RNF166: variants seen among roughly 807,000 people sequenced by gnomAD.
RNF166 encodes the protein ring finger protein 166, also known as E3 ubiquitin-protein ligase RNF166.
Under a neutral mutation model 29.4 loss-of-function variants are expected in RNF166, and 19 were observed. The observed-to-expected ratio is 0.65, with a 90% confidence interval of 0.45 to 0.95. RNF166 has a LOEUF of 0.95. Among genes scored for constraint, RNF166 ranks in the 40% least tolerant of loss-of-function variants. RNF166 has a pLI of 0.00. For missense variants in RNF166, 347 were observed against 322.1 expected (o/e 1.08, Z -0.59); for synonymous variants, 171 against 134.5 (o/e 1.27, Z -1.88).
chr16:88,706,145 C>T (rs1323391361), intron 1 of RNF166, 26 bp downstream of exon 1: 64 of 1,157,646 alleles, frequency 5.5e-5, no homozygotes, highest in Non-Finnish European at 6.2e-5. Flanking sequence ...GCCCCCTCCC[C>T]GCGGCCCCTG....
At chr16:88,703,857 C>A in intron 1 of RNF166, 7 of 985,486 alleles carry the variant, frequency 7.1e-6, no homozygotes, top group Non-Finnish European at 8.4e-6. Flanking sequence ...CAGGGATCTG[C>A]CTGGCTGGCA....
rs983139912 is a variant in RNF166 at position 88,699,610 on chromosome 16, G to T, written c.425+10C>A. ...GACAGTTCCTCTCCCTTGCCCGGCA[G>T]CGTGCCTACCTGGGGATAGGCTGTG... is the stretch of plus-strand genomic sequence containing the variant. On this transcript the variant is annotated intron_variant, in intron 3 of 5. Transcript: ENST00000312838. 1.9e-6 allele frequency: 3 copies of T among 1,600,142 alleles called. No individual in the cohort carries two copies. The highest frequency in any genetic ancestry group is 2.6e-6 in the Non-Finnish European group (3 of 1,168,816).
At chr16:88,700,988 A>G (rs959885017) in intron 2 of RNF166, 76 of 1,337,786 alleles carry the variant, frequency 5.7e-5, no homozygotes, top group Non-Finnish European at 6.9e-5. Context: ...TACCCTGGCC[A>G]CAACCCACGT....
At chr16:88,703,332 C>T in intron 1 of RNF166, 1 of 985,206 alleles carries the variant, frequency 1.0e-6, no homozygotes, top group Non-Finnish European at 1.2e-6. Context: ...AGAGACCAGG[C>T]CGGGGCTCGG....
intron 4 of RNF166, 46 bp from the exon 5 acceptor site, chr16:88,698,655 G>A (rs554755885): frequency 3.9e-5 from 55 of 1,410,748 alleles, no homozygotes; most frequent in East Asian, 3.0e-4. Flanking sequence ...GCGGAGAGGC[G>A]GGGTAGCCGC....
At chr16:88,698,659 T>A in intron 4 of RNF166, 50 bp from the exon 5 acceptor site, 1 of 1,373,874 alleles carries the variant, frequency 7.3e-7, no homozygotes, top group African/African-American at 1.5e-5. Flanking sequence ...AGAGGCGGGG[T>A]AGCCGCAGTA....
chr16:88,697,487 C>A lies in RNF166; in HGVS notation c.*81G>T. ...CCTGTGAGCTCAGTCCGGTGAGGTG[C>A]GCTCCCGAGCAGGTGCCAGGTGCGA... On this transcript the variant is annotated 3_prime_UTR_variant, in exon 6 of 6. Coordinates refer to ENST00000312838, the MANE Select transcript of RNF166 (RefSeq NM_178841.4). 9.7e-7 allele frequency: 1 copy of A among 1,033,900 alleles called. No individual in the cohort carries two copies. The highest frequency in any genetic ancestry group is 1.4e-5 in the South Asian group (1 of 71,138). 64.0% of individuals were successfully genotyped at this position (1,033,900 alleles called of 1,614,324 possible). A position where few individuals can be genotyped will look rare whatever the true frequency, so the allele number is the denominator to read the frequency against.
In RNF166 at chr16:88,697,515, C is replaced by G. The variant is rs961267715; in HGVS notation, c.*53G>C. ...TCCCGAGCAGGTGCCAGGTGCGACA[C>G]AGGAGCGGGGACATCCCTGACCCCA... On this transcript the variant is annotated 3_prime_UTR_variant, in exon 6 of 6. Coordinates refer to ENST00000312838, the MANE Select transcript of RNF166 (RefSeq NM_178841.4). 1 of 1,366,476 alleles carries G rather than the reference C, an allele frequency of 7.3e-7. No homozygotes were observed. The highest frequency in any genetic ancestry group is 1.3e-5 in the South Asian group (1 of 79,798). 84.6% of individuals were successfully genotyped at this position (1,366,476 alleles called of 1,614,324 possible).
At chr16:88,704,651 G>A (rs1910585869) in intron 1 of RNF166, among the ~76,000 whole-genome samples, 1 of 152,120 alleles carries the variant, frequency 6.6e-6, no homozygotes, top group African/African-American at 2.4e-5. Context: ...AGTAACAGAT[G>A]AGAAGGTGCG....
At chr16:88,701,114 CG>C in intron 2 of RNF166, 147 bp downstream of exon 2, 1 of 1,258,748 alleles carries the variant, frequency 7.9e-7, no homozygotes, top group Non-Finnish European at 1.1e-6. Context: ...AGGGAGGCGC[CG>C]GGGCTGGCTT....
intron 1 of RNF166, chr16:88,703,082 A>G: frequency 3.0e-6 from 3 of 985,550 alleles, no homozygotes; most frequent in Non-Finnish European, 3.6e-6. Flanking sequence ...CCTGGAAAAC[A>G]GTGCAGGGCA....
At chr16:88,702,209 G>A (rs951486291) in intron 1 of RNF166, among the ~76,000 whole-genome samples, 3 of 151,878 alleles carry the variant, frequency 2.0e-5, no homozygotes, top group Admixed American at 6.5e-5. Flanking sequence ...CAGCCAGTGG[G>A]AGCACCAGGC....
Position 88,705,496 on chromosome 16 carries a change from A to C in RNF166, c.155+675T>G, listed in dbSNP as rs544600889. Among the ~76,000 whole-genome samples, 12 of 152,216 alleles carry C rather than the reference A, an allele frequency of 7.9e-5. No individual in the cohort carries two copies. The East Asian group carries it at 2.1e-3, about 27-fold the overall frequency. On this transcript the variant is annotated intron_variant, in intron 1 of 5. Transcript: ENST00000312838. ...CTTGAGCACAGCTCCCCGCCAGGAG[A>C]GCCACGTCCTCCAGTTTCTGTTCCT...
chr16:88,698,432 C>G, intron 5 of RNF166, 70 bp downstream of exon 5: 2 of 1,252,312 alleles, frequency 1.6e-6, no homozygotes, highest in Non-Finnish European at 2.3e-6. Context: ...CTGAGGCTGG[C>G]GAGGGGCCCG....
chr16:88,701,244 G>A lies in RNF166; in HGVS notation c.312+18C>T. On this transcript the variant is annotated intron_variant, in intron 2 of 5. Coordinates refer to ENST00000312838, the MANE Select transcript of RNF166 (RefSeq NM_178841.4). ...ATCAAGTGACCCCGGCTCCAGGGCG[G>A]CCCAAGCAGGCGGGTACCTTTTTGT... The A allele has an allele frequency of 6.2e-7, 1 of 1,613,268 alleles. No homozygotes were observed.
intron 1 of RNF166, chr16:88,702,645 G>C: frequency 1.0e-6 from 1 of 960,150 alleles, no homozygotes; most frequent in Non-Finnish European, 1.2e-6. Flanking sequence ...GATTCCCACA[G>C]AGCCACCACC....
chr16:88,703,993 A>C (rs1357782559), intron 1 of RNF166: 1 of 985,352 alleles, frequency 1.0e-6, no homozygotes, highest in Non-Finnish European at 1.2e-6. Context: ...GAGGTGGCTC[A>C]CTGCTCAGAC....
Position 88,699,039 on chromosome 16 carries a change from G to C in RNF166, c.472C>G (p.Arg158Gly). Residue 158 changes from arginine (R) to glycine (G), a missense_variant, in exon 4 of 6, where the codon CGC becomes GGC. By Grantham distance (125) the Arg-to-Gly change is moderately radical. Transcript: ENST00000312838. ...ACCAGCTCCTGCTGGTCCAGGTTGC[G>C]GGCACCACAGTACGGGCAGGCGAAG... ...STFACPYCGA[R>G]NLDQQELVKH... 1 of 1,610,896 alleles carries C rather than the reference G, an allele frequency of 6.2e-7. No homozygotes were observed. The highest frequency in any genetic ancestry group is 8.5e-7 in the Non-Finnish European group (1 of 1,179,004).
intron 1 of RNF166, among the ~76,000 whole-genome samples, chr16:88,701,831 T>C (rs1910270191): frequency 6.6e-6 from 1 of 152,140 alleles, no homozygotes; most frequent in South Asian, 2.1e-4. Flanking sequence ...GGCTCCACAC[T>C]CTGGGGGATA....
Sources: gnomAD v4.1 joint callset for allele counts (sites outside exome capture counted in the v4.1 genomes callset) on GRCh38, gnomAD v4.1.1 for gene constraint, MANE v1.5 for transcripts, NCBI Gene and HGNC (gene_info 2026-07-23, HGNC 2026-07-21) for gene names.